Variants in SGCB observed in about 807,000 individuals in gnomAD.
SGCB encodes the protein beta-sarcoglycan.
A neutral mutation model predicts 27.3 loss-of-function variants in SGCB; 25 were observed. The observed-to-expected ratio is 0.92, with a 90% CI of 0.67 to 1.28. The LOEUF (loss-of-function observed/expected upper bound fraction) is 1.28, where lower values mean the gene tolerates loss of function less well. Ranked by LOEUF, SGCB falls within the 50% of genes most tolerant of loss-of-function variation. The pLI, the probability that SGCB is intolerant of heterozygous loss-of-function variation, is 0.00. For synonymous variants in SGCB, 147 were observed against 133.5 expected, an observed-to-expected ratio of 1.10 and a Z score of -0.70; for missense variants, 436 against 402.1, an observed-to-expected ratio of 1.08 and a Z score of -0.72.
rs1475000993 is a variant in SGCB, at chr4:52,022,371, T to C, written c.*1586A>G. ...TGACCCTGACAGAATGCTGTTACAC[T>C]TGAATGCAGGGTTGGGCCCATGCCA... On this transcript the variant is annotated 3_prime_UTR_variant, in exon 6 of 6. Coordinates refer to ENST00000381431, the MANE Select transcript of SGCB (RefSeq NM_000232.5). The C allele has an allele frequency of 6.6e-6, 1 of 152,226 alleles. No individual in the cohort carries two copies. The highest frequency in any genetic ancestry group is 2.4e-5 in the African/African-American group (1 of 41,464). 9.4% of individuals were successfully genotyped at this position (152,226 alleles called of 1,614,324 possible). A position where few individuals can be genotyped will look rare whatever the true frequency, so the allele number is the denominator to read the frequency against.
chr4:52,028,016 C>G lies in SGCB; in HGVS notation c.705G>C (p.Met235Ile). The G allele has an allele frequency of 6.2e-7, 1 of 1,613,588 alleles. No individual in the cohort carries two copies. The highest frequency in any genetic ancestry group is 8.5e-7 in the Non-Finnish European group (1 of 1,179,570). The change falls in exon 5 of 6, where the codon ATG becomes ATC. Residue 235 changes from methionine to isoleucine, a missense_variant. Physicochemically the swap from Met to Ile is conservative, Grantham distance 10. Coordinates refer to ENST00000381431, the MANE Select transcript of SGCB (RefSeq NM_000232.5). ...CCATGTGAAATTCAATGGTTTTGCC[C>G]ATAATGAATACACCTTCATTTCCAC... is the stretch of plus-strand genomic sequence containing the variant. ...IVRGNEGVFI[M>I]GKTIEFHMGG...
chr4:52,034,924 T>C (rs1203074528), intron 1 of SGCB, among the ~76,000 whole-genome samples: 2 of 152,248 alleles, frequency 1.3e-5, no homozygotes, highest in Non-Finnish European at 2.9e-5. Context: ...TATAGCCCTG[T>C]ACTTTAAAAA....
intron 5 of SGCB, among the ~76,000 whole-genome samples, chr4:52,027,440 AAAT>A (rs1245933035): frequency 3.3e-5 from 5 of 151,770 alleles, no homozygotes; most frequent in South Asian, 2.1e-4. Context: ...AAAAATATCT[AAAT>A]AAAATAATTT....
intron 2 of SGCB, among the ~76,000 whole-genome samples, chr4:52,032,152 G>T (rs1203529174): frequency 6.6e-6 from 1 of 152,138 alleles, no homozygotes; most frequent in Non-Finnish European, 1.5e-5. Context: ...CTAACTGCTG[G>T]CTGGAAGGGA....
rs1244041471 is a variant in SGCB, at chr4:52,022,296, TG to T, written c.*1660del. On this transcript the variant is annotated 3_prime_UTR_variant, in exon 6 of 6. Transcript: ENST00000381431. Reference sequence around the variant, plus strand: ...CTACCAGAGAGAAATGTGACAATATTGAATACAAATTGTTTTTTGTATTGGT... The same window carrying T: ...CTACCAGAGAGAAATGTGACAATATTAATACAAATTGTTTTTTGTATTGGT... 2.6e-5 allele frequency: 4 copies of T among 152,226 alleles called. No individual in the cohort carries two copies. The East Asian group carries it at 7.7e-4, about 29-fold the overall frequency. The allele number at this position is 152,226 out of a possible 1,614,324, so 9.4% of individuals were successfully genotyped here. A position where few individuals can be genotyped will look rare whatever the true frequency, so the allele number is the denominator to read the frequency against.
chr4:52,021,315 G>A lies in SGCB; in HGVS notation c.*2642C>T, dbSNP rs529324922. The A allele has an allele frequency of 6.6e-6, 1 of 152,446 alleles. No individual in the cohort carries two copies. Among genetic ancestry groups the A allele is most frequent in the Non-Finnish European group, 1.5e-5 (1 of 68,198 alleles). 9.4% of individuals were successfully genotyped at this position (152,446 alleles called of 1,614,324 possible). ...AGGCGAAGTCAGCATTTCATTTACA[G>A]AAAAATACTATCTGGTGGAGACAAT... On this transcript the variant is annotated 3_prime_UTR_variant, in exon 6 of 6. Coordinates refer to ENST00000381431, the MANE Select transcript of SGCB (RefSeq NM_000232.5).
In SGCB at chr4:52,028,009, T is replaced by A. The variant is rs1159166322; in HGVS notation, c.712A>T (p.Thr238Ser). 1.7e-5 allele frequency: 27 copies of A among 1,613,712 alleles called. No homozygotes were observed. The highest frequency in any genetic ancestry group is 2.3e-5 in the Non-Finnish European group (27 of 1,179,774). The stretch of plus-strand genomic sequence containing the variant: ...TTACCACCCATGTGAAATTCAATGG[T>A]TTTGCCCATAATGAATACACCTTCA... ...GNEGVFIMGK[T>S]IEFHMGGNME... Residue 238 changes from threonine (T) to serine (S), a missense_variant, in exon 5 of 6, where the codon ACC becomes TCC. By Grantham distance (58) the Thr-to-Ser change is moderately conservative. Transcript: ENST00000381431.
chr4:52,033,358 T>C, intron 2 of SGCB, 73 bp downstream of exon 2: 1 of 925,156 alleles, frequency 1.1e-6, no homozygotes, highest in Non-Finnish European at 1.8e-6. Context: ...GAAAATAAAG[T>C]CTATGATTTC....
intron 1 of SGCB, among the ~76,000 whole-genome samples, chr4:52,037,920 C>A (rs1198563175): frequency 1.3e-5 from 2 of 152,160 alleles, no homozygotes; most frequent in Non-Finnish European, 2.9e-5. Flanking sequence ...CACGTCCCAG[C>A]GCAGGCTTCC....
At position 52,027,440 on chromosome 4, in the gene SGCB, A is replaced by T. The variant is rs1560566874; in HGVS notation, c.753+528T>A. ...AAATACATTTTTAATAAAAATATCT[A>T]AATAAAATAATTTTATAAATTTGCT... On this transcript the variant is annotated intron_variant, in intron 5 of 5. Transcript: ENST00000381431. 2.0e-5 allele frequency among the ~76,000 whole-genome samples: 3 copies of T among 151,888 alleles called. No homozygotes were observed. In the South Asian group the frequency reaches 6.2e-4, roughly 32 times the overall value.
chr4:52,033,962 T>TATTA (rs1367139750), intron 1 of SGCB, among the ~76,000 whole-genome samples: 2 of 152,110 alleles, frequency 1.3e-5, no homozygotes, highest in Non-Finnish European at 2.9e-5. Context: ...ATTAATAATT[T>TATTA]ATTAATTTTT....
intron 1 of SGCB, 134 bp downstream of exon 1, chr4:52,038,093 C>CCCCA: frequency 2.1e-5 from 9 of 419,204 alleles, no homozygotes; most frequent in Non-Finnish European, 2.9e-5. Context: ...CCGCCCCGCC[C>CCCCA]CGATCGGCCC....
At chr4:52,033,362 T>C in intron 2 of SGCB, 69 bp downstream of exon 2, 2 of 968,182 alleles carry the variant, frequency 2.1e-6, no homozygotes, top group East Asian at 2.4e-5. Context: ...ATAAAGTCTA[T>C]GATTTCACTA....
intron 5 of SGCB, 137 bp downstream of exon 5, chr4:52,027,831 C>T (rs1737139941): frequency 1.3e-6 from 1 of 798,126 alleles, no homozygotes; most frequent in East Asian, 2.6e-5. Flanking sequence ...TCTTTTACTT[C>T]ACAACCCACT....
Position 52,023,867 on chromosome 4 carries a change from G to T in SGCB, c.*90C>A. Reference sequence around the variant, plus strand: ...AGTGCTCTGCCATTAAAATAATTATGAGTTATCACAAACTCTGTAAAAACA... The same window carrying T: ...AGTGCTCTGCCATTAAAATAATTATTAGTTATCACAAACTCTGTAAAAACA... On this transcript the variant is annotated 3_prime_UTR_variant, in exon 6 of 6. Coordinates refer to ENST00000381431, the MANE Select transcript of SGCB (RefSeq NM_000232.5). The T allele has an allele frequency of 1.0e-6, 1 of 978,168 alleles. No individual in the cohort carries two copies. Among genetic ancestry groups the T allele is most frequent in the South Asian group, 1.3e-5 (1 of 76,518 alleles). The allele number at this position is 978,168 out of a possible 1,614,324, so 60.6% of individuals were successfully genotyped here.
In SGCB at chr4:52,028,869, G is replaced by C. The variant is rs1482044185; in HGVS notation, c.482C>G (p.Ser161Cys). The change falls in exon 4 of 6, where the codon TCT becomes TGT. Residue 161 changes from serine to cysteine, a missense_variant. Coordinates refer to ENST00000381431, the MANE Select transcript of SGCB (RefSeq NM_000232.5). The stretch of plus-strand genomic sequence containing the variant: ...CTGCATGCCGATGTCACTTGTAATA[G>C]AAGTTTTGTTGTTTTCTACACTGAG... The part of the protein sequence containing the change: ...TKLSVENNKT[S>C]ITSDIGMQFF... 6.2e-7 allele frequency: 1 copy of C among 1,613,938 alleles called. No individual in the cohort carries two copies. Among genetic ancestry groups the C allele is most frequent in the African/African-American group, 1.3e-5 (1 of 75,016 alleles).
At chr4:52,032,452 C>G (rs530608999) in intron 2 of SGCB, among the ~76,000 whole-genome samples, 1 of 152,252 alleles carries the variant, frequency 6.6e-6, no homozygotes, top group South Asian at 2.1e-4. Flanking sequence ...GACATTGTTA[C>G]TTTGGAACGA....
At chr4:52,036,678 GAT>G (rs1737402009) in intron 1 of SGCB, among the ~76,000 whole-genome samples, 1 of 152,124 alleles carries the variant, frequency 6.6e-6, no homozygotes, top group Non-Finnish European at 1.5e-5. Flanking sequence ...TGATTGTTTG[GAT>G]ATGAGTGTGG....
chr4:52,028,528 C>T (rs990293889), intron 4 of SGCB, among the ~76,000 whole-genome samples: 19 of 151,760 alleles, frequency 1.3e-4, no homozygotes, highest in African/African-American at 4.6e-4. Context: ...CCCAGCTACA[C>T]GGGAGGCTGA....
Sources: gnomAD v4.1 joint callset for allele counts (sites outside exome capture counted in the v4.1 genomes callset) on GRCh38, gnomAD v4.1.1 for gene constraint, MANE v1.5 for transcripts, NCBI Gene and HGNC (gene_info 2026-07-23, HGNC 2026-07-21) for gene names.